PCDHA6: variants seen among roughly 807,000 people sequenced by gnomAD.
The protein encoded by PCDHA6 is protocadherin alpha 6.
In PCDHA6, 55 loss-of-function variants were observed where a neutral mutation model predicts 60.3. That is an observed-to-expected ratio of 0.91 (90% CI 0.73 to 1.14). The LOEUF is 1.14. PCDHA6 is among the 50% of genes most tolerant of loss of function. PCDHA6 has a pLI of 0.00. For synonymous variants in PCDHA6, 652 were observed against 557.9 expected, an observed-to-expected ratio of 1.17 and a Z score of -2.38; for missense variants, 1,327 against 1,256.5, an observed-to-expected ratio of 1.06 and a Z score of -0.85.
Position 140,857,204 on chromosome 5 carries a change from T to C in PCDHA6, c.2394+26719T>C, listed in dbSNP as rs202111737. On this transcript the variant is annotated intron_variant, in intron 1 of 3. Coordinates refer to ENST00000529310, the MANE Select transcript of PCDHA6 (RefSeq NM_018909.4). ...TTCAGGAGCCAACGGACAGGTCACC[T>C]GCTCTCTGACGCCTCACGTTCCGTT... 221 of 1,598,644 alleles carry C rather than the reference T, an allele frequency of 1.4e-4. 20 individuals are homozygous for C. The highest frequency in any genetic ancestry group is 2.4e-4 in the Admixed American group (14 of 59,320).
intron 1 of PCDHA6, chr5:140,929,372 G>A: frequency 1.3e-6 from 2 of 1,514,740 alleles, no homozygotes; most frequent in Non-Finnish European, 1.8e-6. Context: ...GGAGATGGCT[G>A]CTAGCTGTGT....
At chr5:140,925,800 C>T (rs1318763578) in intron 1 of PCDHA6, among the ~76,000 whole-genome samples, 5 of 152,070 alleles carry the variant, frequency 3.3e-5, no homozygotes, top group African/African-American at 1.2e-4. Context: ...AGTACTTTCC[C>T]CTCCACTTCT....
At chr5:140,901,282 T>A (rs555723354) in intron 1 of PCDHA6, among the ~76,000 whole-genome samples, 44 of 152,318 alleles carry the variant, frequency 2.9e-4, no homozygotes, top group African/African-American at 1.0e-3. Context: ...CAAGAAATTT[T>A]TGCCCAGACT....
intron 1 of PCDHA6, chr5:140,835,785 A>G (rs2150244615): frequency 1.2e-6 from 2 of 1,613,238 alleles, no homozygotes; most frequent in Admixed American, 3.3e-5. Context: ...GAAGGAGAAC[A>G]ACCCGCCGGG....
chr5:140,832,454 T>C lies in PCDHA6; in HGVS notation c.2394+1969T>C, dbSNP rs193078566. Among the ~76,000 whole-genome samples, 274 of 152,332 alleles carry C rather than the reference T, an allele frequency of 1.8e-3. 1 individual carries two copies. The highest frequency in any genetic ancestry group is 6.5e-3 in the African/African-American group (271 of 41,598). ...TAATTTTTAAGCGTGTAATTAATAT[T>C]GCACTAAAATTTAAAAAAACTAACT... On this transcript the variant is annotated intron_variant, in intron 1 of 3. Transcript: ENST00000529310.
chr5:140,860,407 G>C (rs2046379214), intron 1 of PCDHA6: 1 of 151,974 alleles, frequency 6.6e-6, no homozygotes, highest in African/African-American at 2.4e-5. Flanking sequence ...AAAAGCAATA[G>C]TAACACCATT....
chr5:140,922,409 C>A (rs1335922543), intron 1 of PCDHA6, among the ~76,000 whole-genome samples: 2 of 152,154 alleles, frequency 1.3e-5, no homozygotes, highest in Non-Finnish European at 2.9e-5. Context: ...TTAAAAAGAT[C>A]TAGGTACAGA....
chr5:140,858,503 T>C, intron 1 of PCDHA6: 1 of 1,458,120 alleles, frequency 6.9e-7, no homozygotes. Flanking sequence ...CCGCATTTTC[T>C]CAAATATGTA....
chr5:140,918,572 G>T (rs2153549346), intron 1 of PCDHA6, among the ~76,000 whole-genome samples: 1 of 152,264 alleles, frequency 6.6e-6, no homozygotes, highest in Middle Eastern at 3.4e-3. Context: ...ATATTATGCT[G>T]CTATTGGCTA....
intron 1 of PCDHA6, chr5:140,869,704 G>A (rs1271953937): frequency 2.5e-6 from 4 of 1,613,400 alleles, no homozygotes; most frequent in Admixed American, 3.3e-5. Flanking sequence ...GAAGTCTCTG[G>A]ATAGAGAGAA....
At chr5:140,859,230 G>A (rs1168816968) in intron 1 of PCDHA6, 2 of 149,852 alleles carry the variant, frequency 1.3e-5, no homozygotes, top group Non-Finnish European at 3.0e-5. Context: ...TAAGGAAGGA[G>A]TCATGCTTAT....
chr5:140,873,571 TGTTTAA>T (rs141288581), intron 1 of PCDHA6, among the ~76,000 whole-genome samples: 18,659 of 152,254 alleles, frequency 0.12, 1,208 homozygotes, highest in Middle Eastern at 0.19. Flanking sequence ...CTAGTTTGGT[TGTTTAA>T]GTATTAAGCT....
intron 1 of PCDHA6, among the ~76,000 whole-genome samples, chr5:140,963,203 AAAAC>A (rs1457721166): frequency 6.6e-6 from 1 of 152,100 alleles, no homozygotes; most frequent in African/African-American, 2.4e-5. Context: ...AATGAAAAAA[AAAAC>A]CTCGTGTTTA....
intron 1 of PCDHA6, chr5:140,856,089 T>C: frequency 6.3e-7 from 1 of 1,596,782 alleles, no homozygotes; most frequent in Non-Finnish European, 8.6e-7. Flanking sequence ...CAGTGTCTGC[T>C]GCTCTCGCTT....
intron 3 of PCDHA6, among the ~76,000 whole-genome samples, chr5:140,992,987 C>G (rs1259400627): frequency 6.6e-6 from 1 of 152,158 alleles, no homozygotes; most frequent in East Asian, 1.9e-4. Context: ...GGCCATGGGA[C>G]CCATGAAAGA....
intron 1 of PCDHA6, among the ~76,000 whole-genome samples, chr5:140,912,273 A>G (rs551128589): frequency 1.3e-5 from 2 of 151,890 alleles, no homozygotes; most frequent in South Asian, 4.2e-4. Flanking sequence ...TCACAGATAT[A>G]CCCAGGAACA....
intron 1 of PCDHA6, among the ~76,000 whole-genome samples, chr5:140,934,787 C>A (rs1383149637): frequency 6.6e-6 from 1 of 152,096 alleles, no homozygotes; most frequent in African/African-American, 2.4e-5. Context: ...CAATCCATGT[C>A]AATTATCTTT....
chr5:140,861,627 T>C, intron 1 of PCDHA6: 1 of 322,548 alleles, frequency 3.1e-6, no homozygotes, highest in South Asian at 3.1e-5. Flanking sequence ...GCCAGTGTTC[T>C]CAGCAACACA....
At chr5:140,871,302 G>A in intron 1 of PCDHA6, 1 of 1,613,972 alleles carries the variant, frequency 6.2e-7, no homozygotes, top group Non-Finnish European at 8.5e-7. Context: ...CGTGCGCGCC[G>A]GGGAAGCCCA....
Sources: allele counts gnomAD v4.1 joint callset (sites outside exome capture counted in the v4.1 genomes callset), GRCh38; gene constraint gnomAD v4.1.1; transcripts MANE v1.5; gene names NCBI Gene and HGNC (gene_info 2026-07-23, HGNC 2026-07-21).